The following GPC2 variants were observed in gnomAD, a reference collection of about 807,000 sequenced individuals.
GPC2 encodes glypican 2.
Under a neutral mutation model 57.3 loss-of-function variants are expected in GPC2, and 42 were observed. That is an observed-to-expected ratio of 0.73 (90% confidence interval 0.57 to 0.95). GPC2 has a LOEUF of 0.95. GPC2 is among the 40% of genes least tolerant of loss of function. The pLI is 0.00. For missense variants in GPC2, 745 were observed against 793.6 expected (o/e 0.94, Z 0.74); for synonymous variants, 364 against 343.4 (o/e 1.06, Z -0.66).
rs759533010 is a variant in GPC2 at position 100,173,865 on chromosome 7, C to A, written c.862G>T (p.Gly288Ter). The A allele has an allele frequency of 6.3e-7, 1 of 1,586,854 alleles. No homozygotes were observed. The highest frequency in any genetic ancestry group is 8.6e-7 in the Non-Finnish European group (1 of 1,167,248). The change falls in exon 5 of 10, where the codon GGA (glycine) becomes TGA (stop). Residue 288 changes from glycine (G) to a stop codon, truncating the protein, a stop_gained. Coordinates refer to ENST00000292377, the MANE Select transcript of GPC2 (RefSeq NM_152742.3). LOFTEE classifies it high-confidence loss of function. The stretch of plus-strand genomic sequence containing the variant: ...TAGTTGCCCCAGTCAGGCTCCAGTC[C>A]CCTGCTGCTGAGACAGCCACGAACC... ...NVVRGCLSSR[G>*]LEPDWGNYLD... is the part of the protein sequence containing the mutation.
rs181481835 is a variant in GPC2 at position 100,174,510 on chromosome 7, T to C, written c.729+175A>G. The stretch of plus-strand genomic sequence containing the variant: ...GTCAGAGATCATGGATCGTGGACCA[T>C]TGGAGGTTTCACTCCAGCCCCCTCC... On this transcript the variant is annotated intron_variant, in intron 4 of 9. Coordinates refer to ENST00000292377, the MANE Select transcript of GPC2 (RefSeq NM_152742.3). The C allele has an allele frequency of 3.5e-3, 2,433 of 693,416 alleles. 8 individuals are homozygous for C. The highest frequency in any genetic ancestry group is 5.0e-3 in the Non-Finnish European group (1,915 of 380,080). 43.0% of individuals were successfully genotyped at this position (693,416 alleles called of 1,614,324 possible).
chr7:100,173,388 C>G (rs1031590626), intron 5 of GPC2: 1 of 152,634 alleles, frequency 6.6e-6, no homozygotes, highest in South Asian at 2.1e-4. Context: ...CTGCCTCAGC[C>G]TCTGGAGTAA....
At position 100,172,484 on chromosome 7, in the gene GPC2, CAT is replaced by C. The variant is rs200378756; in HGVS notation, c.893-269_893-268del. ...TTTAGGATTTTTTTTTTTTTTGAGACATAGTCTCACTCTGTCGCCCAGGCTGG... is the reference window on the plus strand; with the variant it reads ...TTTAGGATTTTTTTTTTTTTTGAGACAGTCTCACTCTGTCGCCCAGGCTGG... On this transcript the variant is annotated intron_variant, in intron 5 of 9. Transcript: ENST00000292377. Among the ~76,000 whole-genome samples the C allele has an allele frequency of 7.9e-3, 1,142 of 144,924 alleles. 10 individuals are homozygous for C. The highest frequency in any genetic ancestry group is 0.023 in the Middle Eastern group (6 of 258).
At chr7:100,175,467 C>T (rs1799250212) in intron 3 of GPC2, 105 bp downstream of exon 3, 2 of 859,510 alleles carry the variant, frequency 2.3e-6, no homozygotes. Context: ...TGGGGGATCA[C>T]CAGGTCAGAG....
At position 100,173,907 on chromosome 7, in the gene GPC2, C is replaced by T. The variant is rs745448053; in HGVS notation, c.820G>A (p.Gly274Ser). The change falls in exon 5 of 10, where the codon GGC becomes AGC. Residue 274 changes from glycine (G) to serine (S), a missense_variant. Gly to Ser is a moderately conservative substitution (Grantham distance 56, BLOSUM62 0). This residue lies in a region of GPC2 where 607 missense variants were observed against 603.9 expected (regional missense o/e 1.01). Coordinates refer to ENST00000292377, the MANE Select transcript of GPC2 (RefSeq NM_152742.3). ...RGVPSLMPCQ[G>S]FCLNVVRGCL... ...CCACGAACCACGTTGAGGCAGAAGCCCTGGCAGGGCATAAGTGAGGGGACC... is the reference window on the plus strand; with the variant it reads ...CCACGAACCACGTTGAGGCAGAAGCTCTGGCAGGGCATAAGTGAGGGGACC... 1.2e-5 allele frequency: 19 copies of T among 1,606,134 alleles called. No homozygotes were observed. The highest frequency in any genetic ancestry group is 5.6e-5 in the South Asian group (5 of 90,012).
intron 4 of GPC2, 169 bp downstream of exon 4, chr7:100,174,516 G>A: frequency 1.4e-6 from 1 of 697,274 alleles, no homozygotes; most frequent in South Asian, 1.5e-5. Flanking sequence ...ACCATTGGAG[G>A]TTTCACTCCA....
intron 2 of GPC2, 33 bp downstream of exon 2, chr7:100,176,174 G>A (rs1292724022): frequency 6.4e-7 from 1 of 1,567,852 alleles, no homozygotes; most frequent in Non-Finnish European, 8.7e-7. Flanking sequence ...GAGAGGAGCT[G>A]TGAAGCTGAG....
intron 4 of GPC2, chr7:100,174,442 T>C: frequency 1.7e-6 from 1 of 604,914 alleles, no homozygotes. Context: ...GAGCAGGCCC[T>C]TGGGGACTGA....
chr7:100,171,907 G>T lies in GPC2; in HGVS notation c.1042C>A (p.Pro348Thr), dbSNP rs757303451. 127 of 1,497,450 alleles carry T rather than the reference G, an allele frequency of 8.5e-5. No homozygotes were observed. Among genetic ancestry groups the T allele is most frequent in the Middle Eastern group, 1.8e-4 (1 of 5,676 alleles). 92.8% of individuals were successfully genotyped at this position (1,497,450 alleles called of 1,614,324 possible). A position where few individuals can be genotyped will look rare whatever the true frequency, so the allele number is the denominator to read the frequency against. Residue 348 changes from proline (P) to threonine (T), a missense_variant, in exon 7 of 10, where the codon CCC becomes ACC. Transcript: ENST00000292377. The surrounding 1 kb of genome is among the most constrained non-coding windows in gnomAD (Gnocchi z 4.8). ...TTGCGGGCAGGCACCGGGTCGGGGG[G>T]GCCGCACTCCTGAAACACCTGCGGC... Reference protein sequence around the residue: ...VSAQVFQECGPPDPVPARNRR... With the variant: ...VSAQVFQECGTPDPVPARNRR...
rs1293462259 is a variant in GPC2 at position 100,177,106 on chromosome 7, A to T, written c.94T>A (p.Cys32Ser). ...PGSEAKVTRS[C>S]AETRQVLGAR... ...CCCAGCACCTGCCGGGTCTCTGCAC[A>T]ACTCCGGGTGACCTTTGCCTCGCTC... The change falls in exon 1 of 10, where the codon TGT (cysteine) becomes AGT (serine). Residue 32 changes from cysteine (C) to serine (S), a missense_variant. This residue lies in a region of GPC2 where 138 missense variants were observed against 189.8 expected (regional missense o/e 0.73). Coordinates refer to ENST00000292377, the MANE Select transcript of GPC2 (RefSeq NM_152742.3). 3 of 1,612,712 alleles carry T rather than the reference A, an allele frequency of 1.9e-6. No individual in the cohort carries two copies. Among genetic ancestry groups the T allele is most frequent in the Non-Finnish European group, 2.5e-6 (3 of 1,179,554 alleles).
chr7:100,175,491 G>A (rs1218561605), intron 3 of GPC2, 81 bp downstream of exon 3: 5 of 1,139,612 alleles, frequency 4.4e-6, no homozygotes, highest in African/African-American at 3.1e-5. Flanking sequence ...ACTGGAGCAC[G>A]CCAGTTTGGA....
intron 5 of GPC2, among the ~76,000 whole-genome samples, chr7:100,172,566 A>T (rs1225682718): frequency 6.7e-6 from 1 of 150,120 alleles, no homozygotes; most frequent in Non-Finnish European, 1.5e-5. Flanking sequence ...CCTGGGTTCA[A>T]GCGATTCTTC....
rs955985004 is a variant in GPC2 at position 100,171,186 on chromosome 7, G to A, written c.1486+75C>T. 9 of 1,286,732 alleles carry A rather than the reference G, an allele frequency of 7.0e-6. No individual in the cohort carries two copies. Among genetic ancestry groups the A allele is most frequent in the Non-Finnish European group, 2.1e-6 (2 of 958,080 alleles). The allele number at this position is 1,286,732 out of a possible 1,614,324, so 79.7% of individuals were successfully genotyped here. ...ATGAACGCTAAGAGCAGAGGCACGG[G>A]CGGGAACTACCAGGAGAGGGGAGAG... On this transcript the variant is annotated intron_variant, in intron 9 of 9. Coordinates refer to ENST00000292377, the MANE Select transcript of GPC2 (RefSeq NM_152742.3). This position sits in a 1 kb window ranked among gnomAD's most constrained non-coding sequence, Gnocchi z 4.8.
chr7:100,172,994 G>A (rs563989468), intron 5 of GPC2, among the ~76,000 whole-genome samples: 42 of 151,410 alleles, frequency 2.8e-4, no homozygotes, highest in African/African-American at 9.7e-4. Flanking sequence ...CTGCCTCAGC[G>A]TCCCAAGTAG....
rs368931395 is a variant in GPC2 at position 100,173,223 on chromosome 7, G to A, written c.892+612C>T. ...CTGTCCTTGTGATCCGCCTGCCTCCGCCTCCCAAAGTGCTAGGATTACAAG... is the reference window on the plus strand; with the variant it reads ...CTGTCCTTGTGATCCGCCTGCCTCCACCTCCCAAAGTGCTAGGATTACAAG... On this transcript the variant is annotated intron_variant, in intron 5 of 9. Transcript: ENST00000292377. 5.3e-5 allele frequency among the ~76,000 whole-genome samples: 8 copies of A among 152,222 alleles called. No individual in the cohort carries two copies. The East Asian group carries it at 9.6e-4, about 18-fold the overall frequency.
At chr7:100,172,018 T>C (rs1394082466) in intron 6 of GPC2, 69 bp downstream of exon 6, 39 of 1,589,634 alleles carry the variant, frequency 2.5e-5, no homozygotes, top group Non-Finnish European at 3.3e-5. Flanking sequence ...CCAGATCCCC[T>C]ATACTGCCTC....
At chr7:100,172,268 C>T (rs777455706) in intron 5 of GPC2, 51 bp from the exon 6 acceptor site, 5 of 1,588,846 alleles carry the variant, frequency 3.1e-6, no homozygotes, top group Non-Finnish European at 4.3e-6. Flanking sequence ...TGATACTGAA[C>T]TAGGATGTTC....
chr7:100,173,643 T>G, intron 5 of GPC2, 192 bp downstream of exon 5: 1 of 438,304 alleles, frequency 2.3e-6, no homozygotes. Context: ...TTTCCTTCTT[T>G]CTTTCTCTGT....
Position 100,177,173 on chromosome 7 carries a change from A to T in GPC2, c.27T>A (p.Leu9=). The T allele has an allele frequency of 6.2e-7, 1 of 1,613,620 alleles. No individual in the cohort carries two copies. Among genetic ancestry groups the T allele is most frequent in the Non-Finnish European group, 8.5e-7 (1 of 1,179,834 alleles). ...GACCGGGACACAGAGGCAGCAGCAGAAGCAGGAGAGGTCGCAGCGCGGACA... is the reference window on the plus strand; with the variant it reads ...GACCGGGACACAGAGGCAGCAGCAGTAGCAGGAGAGGTCGCAGCGCGGACA... The part of the protein sequence containing the change: MSALRPLL[L]LLLPLCPGPG... The change falls in exon 1 of 10, where the codon CTT becomes CTA. Residue 9 remains leucine (L), a synonymous_variant. Coordinates refer to ENST00000292377, the MANE Select transcript of GPC2 (RefSeq NM_152742.3).
Sources: gnomAD v4.1 joint callset for allele counts (sites outside exome capture counted in the v4.1 genomes callset) on GRCh38, gnomAD v4.1.1 for gene constraint, gnomAD v4.1.1 regional missense constraint, Gnocchi (gnomAD v3.1) non-coding constraint, MANE v1.5 for transcripts, NCBI Gene and HGNC (gene_info 2026-07-23, HGNC 2026-07-21) for gene names.